SULF1: variants seen among roughly 807,000 people sequenced by gnomAD.
SULF1 encodes extracellular sulfatase Sulf-1.
SULF1 carries 46 observed loss-of-function variants against 110.5 expected under a neutral mutation model. The ratio of observed to expected loss-of-function variants is 0.42; its 90% CI spans 0.33 to 0.53. SULF1 has a LOEUF of 0.53. Ranked by LOEUF, SULF1 falls within the 20% of genes least tolerant of loss-of-function variation. The pLI, the probability that SULF1 is intolerant of heterozygous loss-of-function variation, is 0.12. For missense variants in SULF1, 941 were observed against 1,094.2 expected (o/e 0.86, Z 1.98); for synonymous variants, 371 against 387.1 (o/e 0.96, Z 0.49).
chr8:69,489,130 G>A (rs373326790), upstream of SULF1, among the ~76,000 whole-genome samples: 1 of 152,172 alleles, frequency 6.6e-6, no homozygotes, highest in Non-Finnish European at 1.5e-5. Flanking sequence ...AAGGTAACAC[G>A]TGAGATTTTA....
chr8:69,534,259 G>A (rs1379654818), intron 3 of SULF1, among the ~76,000 whole-genome samples: 2 of 152,200 alleles, frequency 1.3e-5, no homozygotes, highest in East Asian at 1.9e-4. Flanking sequence ...AATTCAGAAA[G>A]CATTTACAAA....
At chr8:69,538,588 G>C (rs922721760) in intron 3 of SULF1, among the ~76,000 whole-genome samples, 1 of 152,120 alleles carries the variant, frequency 6.6e-6, no homozygotes, top group African/African-American at 2.4e-5. Flanking sequence ...ACAAAGTGCA[G>C]GGCAAAAATT....
At position 69,556,589 on chromosome 8, in the gene SULF1, A is replaced by G. The variant is rs1305310465; in HGVS notation, c.-133-6950A>G. 4.6e-5 allele frequency among the ~76,000 whole-genome samples: 7 copies of G among 152,204 alleles called. No individual in the cohort carries two copies. In the East Asian group the frequency reaches 1.3e-3, roughly 29 times the overall value. On this transcript the variant is annotated intron_variant, in intron 3 of 22. Transcript: ENST00000402687. The stretch of plus-strand genomic sequence containing the variant: ...CTTCTGCTGACTAATGCAATATCTC[A>G]AGGTACTTCAGTACAAATAAGCCAT...
intron 5 of SULF1, among the ~76,000 whole-genome samples, chr8:69,565,956 A>C (rs1815848819): frequency 6.6e-6 from 1 of 151,902 alleles, no homozygotes; most frequent in Admixed American, 6.5e-5. Flanking sequence ...CACCTGGAGA[A>C]ACCCTACCTG....
At chr8:69,629,709 TGCC>T (rs1280445384) in intron 19 of SULF1, 30 bp downstream of exon 19, 70 of 1,561,696 alleles carry the variant, frequency 4.5e-5, no homozygotes, top group Non-Finnish European at 5.4e-5. Context: ...TGCCACTTCC[TGCC>T]GCCATGCAGA....
intron 5 of SULF1, among the ~76,000 whole-genome samples, chr8:69,571,921 C>T (rs191093726): frequency 6.6e-6 from 1 of 152,288 alleles, no homozygotes; most frequent in Non-Finnish European, 1.5e-5. Context: ...CAGATTCCTG[C>T]ACACCGTCAT....
At chr8:69,527,779 A>ATG (rs1036425273) in intron 3 of SULF1, among the ~76,000 whole-genome samples, 7 of 152,054 alleles carry the variant, frequency 4.6e-5, no homozygotes, top group Admixed American at 1.3e-4. Flanking sequence ...GCAAGTGTGT[A>ATG]TGTGTGTGTG....
chr8:69,589,809 C>A (rs1806759245), intron 8 of SULF1, among the ~76,000 whole-genome samples: 1 of 152,150 alleles, frequency 6.6e-6, no homozygotes, highest in Admixed American at 6.5e-5. Context: ...GTGGAAAAAT[C>A]TAGATGCTTT....
chr8:69,550,280 GA>G (rs962417464), intron 3 of SULF1, among the ~76,000 whole-genome samples: 4 of 150,210 alleles, frequency 2.7e-5, no homozygotes, highest in African/African-American at 7.3e-5. Context: ...CATTTAAAAA[GA>G]AAAAAAAATG....
intron 22 of SULF1, among the ~76,000 whole-genome samples, chr8:69,643,392 G>T (rs1413570833): frequency 6.7e-6 from 1 of 149,564 alleles, no homozygotes; most frequent in Non-Finnish European, 1.5e-5. Context: ...AATTCTTTTA[G>T]ATTTTGACAG....
intron 6 of SULF1, among the ~76,000 whole-genome samples, chr8:69,585,141 A>G (rs1194049573): frequency 6.6e-6 from 1 of 151,970 alleles, no homozygotes; most frequent in Non-Finnish European, 1.5e-5. Flanking sequence ...ATATGCATGC[A>G]TAGGGGTGTG....
intron 3 of SULF1, among the ~76,000 whole-genome samples, chr8:69,529,139 G>C (rs1467126575): frequency 1.3e-5 from 2 of 152,118 alleles, no homozygotes; most frequent in Non-Finnish European, 2.9e-5. Context: ...CCTGTGCCAG[G>C]TGTCACAGCT....
At chr8:69,540,620 G>A (rs769229610) in intron 3 of SULF1, among the ~76,000 whole-genome samples, 55 of 152,148 alleles carry the variant, frequency 3.6e-4, no homozygotes, top group Non-Finnish European at 7.2e-4. Context: ...TTCTGCCTTG[G>A]TGACAGCGTT....
At chr8:69,531,222 C>T (rs1375412859) in intron 3 of SULF1, among the ~76,000 whole-genome samples, 1 of 152,186 alleles carries the variant, frequency 6.6e-6, no homozygotes, top group Non-Finnish European at 1.5e-5. Flanking sequence ...CTCATTGTCC[C>T]TTGTTGCTTT....
At position 69,576,152 on chromosome 8, in the gene SULF1, G is replaced by T; in HGVS notation, c.355G>T (p.Ala119Ser). 1 of 1,614,172 alleles carries T rather than the reference G, an allele frequency of 6.2e-7. No individual in the cohort carries two copies. ...GAACTGCTCTTCCCCCTCGTGGCAG[G>T]CCATGCATGAGCCTCGGACTTTTGC... ...NENCSSPSWQAMHEPRTFAVY... is the reference protein window; with the variant it reads ...NENCSSPSWQSMHEPRTFAVY... Residue 119 changes from alanine to serine, a missense_variant, in exon 6 of 23, where the codon GCC (alanine) becomes TCC (serine). Around this residue, in one of 3 missense-constraint regions of SULF1, gnomAD observed 822 missense variants for 934.3 expected, o/e 0.88. Transcript: ENST00000402687.
Position 69,660,514 on chromosome 8 carries a change from G to A in SULF1, c.*1979G>A, listed in dbSNP as rs1813035895. On this transcript the variant is annotated 3_prime_UTR_variant, in exon 23 of 23. Coordinates refer to ENST00000402687, the MANE Select transcript of SULF1 (RefSeq NM_001128205.2). The stretch of plus-strand genomic sequence containing the variant: ...ACCCTCCTATTCAGCTCCCCAAGAT[G>A]ATGTGTTTTTGCTTACCCTAAGAGA... The A allele has an allele frequency of 6.6e-6, 1 of 152,548 alleles. No homozygotes were observed. Among genetic ancestry groups the A allele is most frequent in the Non-Finnish European group, 1.5e-5 (1 of 68,030 alleles). 9.4% of individuals were successfully genotyped at this position (152,548 alleles called of 1,614,324 possible). A position where few individuals can be genotyped will look rare whatever the true frequency, so the allele number is the denominator to read the frequency against.
chr8:69,508,349 C>T (rs1287438154), intron 3 of SULF1, among the ~76,000 whole-genome samples: 1 of 152,216 alleles, frequency 6.6e-6, no homozygotes, highest in East Asian at 1.9e-4. Flanking sequence ...AGGTGATCCA[C>T]CCACCTTGGC....
chr8:69,643,979 C>T (rs973462009), intron 22 of SULF1, among the ~76,000 whole-genome samples: 4 of 152,176 alleles, frequency 2.6e-5, no homozygotes, highest in Non-Finnish European at 4.4e-5. Flanking sequence ...TCCTGGCAGC[C>T]GTGGCCATGT....
At chr8:69,546,490 G>A (rs1333369536) in intron 3 of SULF1, among the ~76,000 whole-genome samples, 2 of 152,212 alleles carry the variant, frequency 1.3e-5, no homozygotes, top group African/African-American at 4.8e-5. Context: ...GCTGTCCACA[G>A]GAAAGATGCT....
Sources: allele counts gnomAD v4.1 joint callset (sites outside exome capture counted in the v4.1 genomes callset), GRCh38; gene constraint gnomAD v4.1.1; regional missense constraint gnomAD v4.1.1; transcripts MANE v1.5; gene names NCBI Gene and HGNC (gene_info 2026-07-23, HGNC 2026-07-21).